The following NPEPPS variants were observed in gnomAD, a reference collection of about 807,000 sequenced individuals.
NPEPPS encodes the protein aminopeptidase puromycin sensitive.
A neutral mutation model predicts 115.5 loss-of-function variants in NPEPPS; 14 were observed. The ratio of observed to expected loss-of-function variants is 0.12; its 90% confidence interval spans 0.08 to 0.19. NPEPPS has a LOEUF of 0.19. Among genes scored for constraint, NPEPPS ranks in the 10% least tolerant of loss-of-function variants. The pLI is 1.00. For missense variants in NPEPPS, 523 were observed against 1,110.8 expected (o/e 0.47, Z 7.52); for synonymous variants, 285 against 390.6 (o/e 0.73, Z 3.19).
chr17:47,541,477 A>G (rs1303002191), intron 1 of NPEPPS, among the ~76,000 whole-genome samples: 1 of 151,822 alleles, frequency 6.6e-6, no homozygotes, highest in Non-Finnish European at 1.5e-5. Context: ...CCTGGGTTCA[A>G]GCGATTCTCC....
intron 13 of NPEPPS, among the ~76,000 whole-genome samples, chr17:47,596,708 C>T (rs903483043): frequency 6.6e-6 from 1 of 152,248 alleles, no homozygotes; most frequent in East Asian, 1.9e-4. Context: ...ATTCTAAAAC[C>T]ACCAAATATG....
At chr17:47,577,470 T>A (rs1911583966) in intron 3 of NPEPPS, among the ~76,000 whole-genome samples, 1 of 152,142 alleles carries the variant, frequency 6.6e-6, no homozygotes, top group Admixed American at 6.5e-5. Context: ...AAATTAAAAA[T>A]TTTTAATTTA....
chr17:47,599,535 G>C (rs930458516), intron 13 of NPEPPS, 141 bp from the exon 14 acceptor site: 7 of 642,988 alleles, frequency 1.1e-5, no homozygotes, highest in African/African-American at 3.7e-5. Flanking sequence ...CATCACAATT[G>C]CATTTTGTAT....
chr17:47,530,609 G>C (rs546779605), upstream of NPEPPS, among the ~76,000 whole-genome samples: 9 of 149,268 alleles, frequency 6.0e-5, no homozygotes, highest in Non-Finnish European at 1.4e-4. Context: ...CGCCCGCCTC[G>C]GCCTCCCGAA....
At chr17:47,604,243 C>A in intron 16 of NPEPPS, 194 bp downstream of exon 16, 1 of 422,440 alleles carries the variant, frequency 2.4e-6, no homozygotes. Flanking sequence ...TTTCACTACT[C>A]CTAAGCCAGC....
chr17:47,546,646 C>T (rs1367686451), intron 2 of NPEPPS, among the ~76,000 whole-genome samples: 1 of 152,066 alleles, frequency 6.6e-6, no homozygotes, highest in Non-Finnish European at 1.5e-5. Context: ...TCAAGCAGTT[C>T]TCCCTGCCTC....
At chr17:47,540,925 T>C (rs1351341086) in intron 1 of NPEPPS, among the ~76,000 whole-genome samples, 3 of 152,142 alleles carry the variant, frequency 2.0e-5, no homozygotes, top group Non-Finnish European at 4.4e-5. Context: ...GTTCCTTTGG[T>C]TCCTCCCTCC....
chr17:47,611,030 T>G (rs540252474), intron 17 of NPEPPS, among the ~76,000 whole-genome samples: 2 of 150,802 alleles, frequency 1.3e-5, no homozygotes, highest in Admixed American at 6.6e-5. Flanking sequence ...ATTTTTTGTA[T>G]TTTAGTAGAG....
At position 47,596,413 on chromosome 17, in the gene NPEPPS, C is replaced by T; in HGVS notation, c.1487C>T (p.Thr496Ile). The change falls in exon 13 of 23, where the codon ACC becomes ATC. Residue 496 changes from threonine (T) to isoleucine (I), a missense_variant. By Grantham distance (89) the Thr-to-Ile change is moderately conservative. Transcript: ENST00000322157. ...SGKPIAAVMN[T>I]WTKQMGFPLI... ...AAACCTATAGCAGCTGTGATGAATACCTGGACCAAACAAATGGGATTTCCC... is the reference window on the plus strand; with the variant it reads ...AAACCTATAGCAGCTGTGATGAATATCTGGACCAAACAAATGGGATTTCCC... 6.3e-7 allele frequency: 1 copy of T among 1,596,664 alleles called. No homozygotes were observed. Among genetic ancestry groups the T allele is most frequent in the Non-Finnish European group, 8.5e-7 (1 of 1,171,052 alleles).
intron 3 of NPEPPS, among the ~76,000 whole-genome samples, chr17:47,578,097 C>CA (rs762314454): frequency 3.5e-4 from 53 of 151,392 alleles, no homozygotes; most frequent in Non-Finnish European, 7.5e-4. Flanking sequence ...CCCAGCTACT[C>CA]AGGAGGCTGA....
chr17:47,587,235 C>T lies in NPEPPS; in HGVS notation c.986C>T (p.Thr329Ile), dbSNP rs1912250605. The T allele has an allele frequency of 6.3e-7, 1 of 1,577,576 alleles. No individual in the cohort carries two copies. Among genetic ancestry groups the T allele is most frequent in the African/African-American group, 1.4e-5 (1 of 72,424 alleles). ...ENWGLVTYRETALLIDPKNSC... is the reference protein window; with the variant it reads ...ENWGLVTYREIALLIDPKNSC... Reference sequence around the variant, plus strand: ...TTTTTTTTTTTTAAACACAGGGAGACTGCATTGCTTATTGATCCAAAAAAT... The same window carrying T: ...TTTTTTTTTTTTAAACACAGGGAGATTGCATTGCTTATTGATCCAAAAAAT... The change falls in exon 9 of 23, where the codon ACT (threonine) becomes ATT (isoleucine). Residue 329 changes from threonine (T) to isoleucine (I), a missense_variant. This residue lies in a region of NPEPPS where 144 missense variants were observed against 512.4 expected (regional missense o/e 0.28). Coordinates refer to ENST00000322157, the MANE Select transcript of NPEPPS (RefSeq NM_006310.4).
Position 47,566,510 on chromosome 17 carries a change from T to G in NPEPPS, c.341-2907T>G, listed in dbSNP as rs545307665. The stretch of plus-strand genomic sequence containing the variant: ...TCAACAGCTGTAGGTTTTTTGTTTT[T>G]TTTTTTTTTTGATACAGAGTCTCAC... On this transcript the variant is annotated intron_variant, in intron 2 of 22. Coordinates refer to ENST00000322157, the MANE Select transcript of NPEPPS (RefSeq NM_006310.4). 3.0e-4 allele frequency among the ~76,000 whole-genome samples: 46 copies of G among 150,846 alleles called. No individual in the cohort carries two copies. In the East Asian group the frequency reaches 7.7e-3, roughly 25 times the overall value.
chr17:47,569,910 C>T (rs1200492633), intron 3 of NPEPPS, among the ~76,000 whole-genome samples: 8 of 152,144 alleles, frequency 5.3e-5, no homozygotes, highest in Non-Finnish European at 5.9e-5. Context: ...GGAGCCACCG[C>T]GCCCAGCCGT....
intron 11 of NPEPPS, 88 bp from the exon 12 acceptor site, chr17:47,592,397 G>A (rs1401260499): frequency 1.5e-6 from 2 of 1,321,608 alleles, no homozygotes; most frequent in East Asian, 2.5e-5. Flanking sequence ...GAGTATTTGA[G>A]TAAATTTGTT....
In NPEPPS at chr17:47,588,333, A is replaced by G. The variant is rs112209249; in HGVS notation, c.1095+989A>G. On this transcript the variant is annotated intron_variant, in intron 9 of 22. Coordinates refer to ENST00000322157, the MANE Select transcript of NPEPPS (RefSeq NM_006310.4). ...TCCCAGCACTTTGGGAGGCTGAGGC[A>G]GGTGGATCACTTGAGGTCACGTGTT... 1.3e-3 allele frequency among the ~76,000 whole-genome samples: 197 copies of G among 152,318 alleles called. 2 individuals are homozygous for G. The highest frequency in any genetic ancestry group is 4.3e-3 in the African/African-American group (177 of 41,582).
At chr17:47,614,564 C>G (rs576053769) in intron 19 of NPEPPS, among the ~76,000 whole-genome samples, 2 of 152,326 alleles carry the variant, frequency 1.3e-5, no homozygotes, top group South Asian at 4.1e-4. Context: ...TAATTAAGCT[C>G]TGACTTAGAC....
chr17:47,541,806 T>C (rs1350595185), intron 1 of NPEPPS, among the ~76,000 whole-genome samples: 2 of 152,220 alleles, frequency 1.3e-5, no homozygotes, highest in East Asian at 1.9e-4. Context: ...TTTGGTGAAA[T>C]AGTGTGAAGG....
At chr17:47,546,043 G>GGGGT (rs1555603815) in intron 2 of NPEPPS, 50 bp downstream of exon 2, 980 of 1,213,776 alleles carry the variant, frequency 8.1e-4, no homozygotes, top group East Asian at 4.9e-3. Flanking sequence ...GCATATGTGG[G>GGGGT]GTGTGTGTGT....
intron 1 of NPEPPS, among the ~76,000 whole-genome samples, chr17:47,542,213 A>G (rs557315376): frequency 6.6e-6 from 1 of 152,258 alleles, no homozygotes; most frequent in South Asian, 2.1e-4. Flanking sequence ...AAAACGGGAG[A>G]CTGCGCATGA....
Sources: allele counts gnomAD v4.1 joint callset (sites outside exome capture counted in the v4.1 genomes callset), GRCh38; gene constraint gnomAD v4.1.1; regional missense constraint gnomAD v4.1.1; transcripts MANE v1.5; gene names NCBI Gene and HGNC (gene_info 2026-07-23, HGNC 2026-07-21).